SAXO5: variants seen among roughly 807,000 people sequenced by gnomAD.
SAXO5 encodes the protein testis expressed 45.
chr19:7,504,370 G>A, the SAXO5 span: 1 of 1,614,180 alleles, frequency 6.2e-7, no homozygotes, highest in Non-Finnish European at 8.5e-7. Flanking sequence ...CGTGTTCGGA[G>A]CAGAAACAGG....
chr19:7,499,295 G>T, the SAXO5 span, among the ~76,000 whole-genome samples: 1 of 148,718 alleles, frequency 6.7e-6, no homozygotes, highest in South Asian at 2.1e-4. Context: ...CTGGGGGACA[G>T]AGTGAGACTC....
the SAXO5 span, chr19:7,506,051 A>C: frequency 6.2e-7 from 1 of 1,613,872 alleles, no homozygotes; most frequent in Non-Finnish European, 8.5e-7. Context: ...AAAGCTACTC[A>C]AACGCTTCTT....
the SAXO5 span, chr19:7,505,459 G>A: frequency 1.9e-6 from 3 of 1,613,514 alleles, no homozygotes; most frequent in South Asian, 1.1e-5. Flanking sequence ...GGCCCGCCCC[G>A]TCCCGCCTCC....
the SAXO5 span, among the ~76,000 whole-genome samples, chr19:7,502,369 C>G: frequency 3.3e-5 from 5 of 152,156 alleles, no homozygotes; most frequent in Non-Finnish European, 7.3e-5. Context: ...CTCGACCTCC[C>G]AAAGTGCTGG....
the SAXO5 span, chr19:7,505,817 A>C: frequency 1.1e-6 from 1 of 949,460 alleles, no homozygotes; most frequent in Non-Finnish European, 1.6e-6. Context: ...AAAATGAGAT[A>C]AGAGTACCAA....
the SAXO5 span, among the ~76,000 whole-genome samples, chr19:7,502,976 A>G: frequency 6.6e-6 from 1 of 152,122 alleles, no homozygotes; most frequent in Admixed American, 6.6e-5. Context: ...TTTGACATTT[A>G]GTTGTGATTC....
the SAXO5 span, chr19:7,508,365 T>C: frequency 1.2e-6 from 2 of 1,613,826 alleles, no homozygotes; most frequent in Non-Finnish European, 1.7e-6. Flanking sequence ...CCAGCGCGGC[T>C]GCAGGGAGAA....
At chr19:7,500,742 C>G in the SAXO5 span, 1 of 1,281,632 alleles carries the variant, frequency 7.8e-7, no homozygotes, top group Non-Finnish European at 1.0e-6. Context: ...GAGTCAAAAG[C>G]AGGAGTCAAA....
the SAXO5 span, chr19:7,500,854 G>T: frequency 6.5e-7 from 1 of 1,537,436 alleles, no homozygotes. Flanking sequence ...CCGTGCTCGC[G>T]CCCGTGCCCG....
chr19:7,498,644 C>A, the SAXO5 span, among the ~76,000 whole-genome samples: 1 of 152,268 alleles, frequency 6.6e-6, no homozygotes, highest in African/African-American at 2.4e-5. Context: ...ATCTGCCCAC[C>A]TCGGCCTCCC....
the SAXO5 span, among the ~76,000 whole-genome samples, chr19:7,497,979 C>T: frequency 3.3e-5 from 5 of 151,872 alleles, no homozygotes; most frequent in African/African-American, 2.4e-5. Context: ...GGCGAAACCC[C>T]GTCTCTACTA....
At chr19:7,501,487 G>A in the SAXO5 span, 5 of 1,330,398 alleles carry the variant, frequency 3.8e-6, no homozygotes, top group Non-Finnish European at 3.9e-6. Context: ...CCTTCCCCCA[G>A]GGAACATTTG....
chr19:7,501,179 G>T, the SAXO5 span: 1 of 1,519,516 alleles, frequency 6.6e-7, no homozygotes, highest in Non-Finnish European at 8.7e-7. Flanking sequence ...ACGAGGACGC[G>T]CACGCCGGGA....
chr19:7,500,468 A>ATT, the SAXO5 span, among the ~76,000 whole-genome samples: 27 of 150,732 alleles, frequency 1.8e-4, no homozygotes, highest in Non-Finnish European at 3.4e-4. Flanking sequence ...CTCCAGGCTA[A>ATT]TTTTTTTTAA....
chr19:7,506,177 C>CAT, the SAXO5 span: 1 of 1,581,330 alleles, frequency 6.3e-7, no homozygotes. Context: ...TGAGCGCTCC[C>CAT]GGGAAGCCCC....
the SAXO5 span, chr19:7,504,306 C>G: frequency 6.2e-7 from 1 of 1,614,182 alleles, no homozygotes; most frequent in Non-Finnish European, 8.5e-7. Flanking sequence ...CCTGTCTGCC[C>G]ACAGGCCTCC....
At chr19:7,498,198 C>A in the SAXO5 span, among the ~76,000 whole-genome samples, 1 of 150,900 alleles carries the variant, frequency 6.6e-6, no homozygotes, top group African/African-American at 2.4e-5. Flanking sequence ...CACACACACA[C>A]ACCCTTCATC....
chr19:7,508,120 C>A, the SAXO5 span: 4 of 1,144,338 alleles, frequency 3.5e-6, no homozygotes, highest in Middle Eastern at 2.3e-4. Context: ...CCCCCTGACT[C>A]ATCAGGCCTG....
the SAXO5 span, chr19:7,506,664 C>G: frequency 1.1e-5 from 4 of 352,382 alleles, no homozygotes; most frequent in Non-Finnish European, 1.6e-5. Flanking sequence ...CCTAGCTCCT[C>G]CGTCCTCCTC....
Sources: allele counts gnomAD v4.1 joint callset (sites outside exome capture counted in the v4.1 genomes callset), GRCh38; gene constraint gnomAD v4.1.1; transcripts MANE v1.5; gene names NCBI Gene and HGNC (gene_info 2026-07-23, HGNC 2026-07-21).